Variants in DOP1B observed in about 807,000 individuals in gnomAD.
The protein encoded by DOP1B is DOP1 leucine zipper like protein B, also known as protein DOP1B.
DOP1B carries 174 observed loss-of-function variants against 233.5 expected under a neutral mutation model. The observed-to-expected ratio is 0.75, with a 90% confidence interval of 0.66 to 0.85. The LOEUF (loss-of-function observed/expected upper bound fraction) is 0.85, where lower values mean the gene tolerates loss of function less well. DOP1B is among the 40% of genes least tolerant of loss of function. The probability of loss-of-function intolerance (pLI) is 0.00; values close to 1 mark genes in which losing one functional copy is unlikely to be tolerated. For synonymous variants in DOP1B, 1,190 were observed against 1,185.6 expected (o/e 1.00, Z -0.08); for missense variants, 2,652 against 2,846.6 (o/e 0.93, Z 1.56).
chr21:36,235,118 A>G (rs1601434550), intron 15 of DOP1B, among the ~76,000 whole-genome samples: 1 of 152,156 alleles, frequency 6.6e-6, no homozygotes, highest in Non-Finnish European at 1.5e-5. Context: ...ACAGTTCTTG[A>G]GAGTTGAGGA....
At chr21:36,262,871 A>G (rs983500373) in intron 24 of DOP1B, among the ~76,000 whole-genome samples, 1 of 151,946 alleles carries the variant, frequency 6.6e-6, no homozygotes, top group African/African-American at 2.4e-5. Context: ...AGCCTGGGTG[A>G]CAGAGCAAGA....
chr21:36,208,730 C>T lies in DOP1B; in HGVS notation c.507C>T (p.Leu169=). 1 of 1,613,500 alleles carries T rather than the reference C, an allele frequency of 6.2e-7. No homozygotes were observed. The highest frequency in any genetic ancestry group is 1.1e-5 in the South Asian group (1 of 91,022). The change falls in exon 5 of 37, where the codon CTC becomes CTT. Residue 169 remains leucine, a synonymous_variant. Transcript: ENST00000691173. ...TCATCAACAGAACGGATGCTCTGCT[C>T]CTGAGACTGTCGCTGGTGGTTGGCA... The part of the protein sequence containing the change: ...SEISDRTDAL[L]LRLSLVVGKE...
intron 2 of DOP1B, among the ~76,000 whole-genome samples, chr21:36,192,231 C>T (rs1323578648): frequency 2.6e-5 from 4 of 151,940 alleles, no homozygotes; most frequent in East Asian, 2.0e-4. Flanking sequence ...TGGTGGTATA[C>T]GCCTGTAGTT....
At chr21:36,203,493 C>T (rs996871723) in intron 4 of DOP1B, among the ~76,000 whole-genome samples, 2 of 152,040 alleles carry the variant, frequency 1.3e-5, no homozygotes, top group Non-Finnish European at 2.9e-5. Flanking sequence ...ACTTGAACCT[C>T]GGAGGTGGAG....
chr21:36,232,755 T>C, intron 14 of DOP1B, 49 bp from the exon 15 acceptor site: 1 of 1,607,192 alleles, frequency 6.2e-7, no homozygotes, highest in Non-Finnish European at 8.5e-7. Flanking sequence ...GGGGACCCAT[T>C]CTCACGTGGT....
intron 26 of DOP1B, among the ~76,000 whole-genome samples, chr21:36,265,049 GTA>G: frequency 6.6e-6 from 1 of 152,282 alleles, no homozygotes. Flanking sequence ...TTTGTGAAAG[GTA>G]TATCCAGAAA....
chr21:36,157,253 C>T (rs900308483), intron 1 of DOP1B, among the ~76,000 whole-genome samples: 1 of 147,334 alleles, frequency 6.8e-6, no homozygotes, highest in Non-Finnish European at 1.5e-5. Context: ...ACGCCCTCGC[C>T]GAGCGGGGCG....
At chr21:36,272,713 G>A (rs375589087) in intron 27 of DOP1B, among the ~76,000 whole-genome samples, 84 of 141,750 alleles carry the variant, frequency 5.9e-4, no homozygotes, top group African/African-American at 1.8e-3. Context: ...GGCCGGGCGC[G>A]GTGGCTCACG....
intron 2 of DOP1B, among the ~76,000 whole-genome samples, chr21:36,173,743 A>G (rs1037404451): frequency 2.8e-4 from 43 of 152,222 alleles, no homozygotes; most frequent in African/African-American, 9.4e-4. Flanking sequence ...ATTTTCATCA[A>G]GTGCCCTTTT....
chr21:36,247,651 T>C (rs899113804), intron 20 of DOP1B, 23 bp downstream of exon 20: 11 of 1,507,192 alleles, frequency 7.3e-6, no homozygotes, highest in Non-Finnish European at 1.0e-5. Flanking sequence ...TTTTCCTGAG[T>C]TCAAGGCAAT....
At position 36,208,856 on chromosome 21, in the gene DOP1B, C is replaced by T; in HGVS notation, c.633C>T (p.Ala211=). The change falls in exon 5 of 37, where the codon GCC becomes GCT. Residue 211 remains alanine (A), a synonymous_variant. Transcript: ENST00000691173. ...TGGTGGGCCACATCAACAGGGATGCCCCCGGCCGGGAGCAGAAGTACATGC... is the reference window on the plus strand; with the variant it reads ...TGGTGGGCCACATCAACAGGGATGCTCCCGGCCGGGAGCAGAAGTACATGC... The part of the protein sequence containing the change: ...VFVVGHINRD[A]PGREQKYMLG... 1 of 1,575,350 alleles carries T rather than the reference C, an allele frequency of 6.3e-7. No individual in the cohort carries two copies. The highest frequency in any genetic ancestry group is 1.8e-4 in the Middle Eastern group (1 of 5,484).
chr21:36,245,734 A>G lies in DOP1B; in HGVS notation c.3754A>G (p.Lys1252Glu). 6.2e-7 allele frequency: 1 copy of G among 1,613,922 alleles called. No homozygotes were observed. Among genetic ancestry groups the G allele is most frequent in the East Asian group, 2.2e-5 (1 of 44,854 alleles). ...CTTCTCGGTGCTGGAGGCTGTGCTC[A>G]AAACCAACCCTAAGGAATTCATCGA... ...YAFSVLEAVL[K>E]TNPKEFIEAV... Residue 1252 changes from lysine (K) to glutamate (E), a missense_variant, in exon 19 of 37, where the codon AAA becomes GAA. This residue lies in a region of DOP1B where 2,617 missense variants were observed against 2,794.3 expected (regional missense o/e 0.94). Coordinates refer to ENST00000691173, the MANE Select transcript of DOP1B (RefSeq NM_001320714.2). This position sits in a 1 kb window ranked among gnomAD's most constrained non-coding sequence, Gnocchi z 5.5.
At chr21:36,219,682 G>A (rs911155317) in intron 10 of DOP1B, among the ~76,000 whole-genome samples, 190 bp downstream of exon 10, 13 of 152,228 alleles carry the variant, frequency 8.5e-5, no homozygotes, top group African/African-American at 1.9e-4. Context: ...TACTGAGTAC[G>A]GTGAAGAGTT....
chr21:36,267,804 T>A (rs568654607), intron 26 of DOP1B, among the ~76,000 whole-genome samples: 1 of 152,098 alleles, frequency 6.6e-6, no homozygotes, highest in Non-Finnish European at 1.5e-5. Flanking sequence ...CACGTATCAG[T>A]AGGACCGTGA....
At chr21:36,208,968 G>T in intron 5 of DOP1B, 64 bp downstream of exon 5, 1 of 1,422,404 alleles carries the variant, frequency 7.0e-7, no homozygotes, top group South Asian at 1.5e-5. Context: ...CATCCTCATG[G>T]GCAGGTTGTC....
rs2066697246 is a variant in DOP1B at position 36,227,173 on chromosome 21, A to T, written c.1474-513A>T. Reference sequence around the variant, plus strand: ...CAGTGAGCCGAGATCACACCACTGCACTCCAGCCTGGGTGACAGAGTGAGA... The same window carrying T: ...CAGTGAGCCGAGATCACACCACTGCTCTCCAGCCTGGGTGACAGAGTGAGA... On this transcript the variant is annotated intron_variant, in intron 12 of 36. Transcript: ENST00000691173. Among the ~76,000 whole-genome samples the T allele has an allele frequency of 2.0e-5, 3 of 151,210 alleles. No individual in the cohort carries two copies. The South Asian group carries it at 6.3e-4, about 32-fold the overall frequency.
intron 10 of DOP1B, among the ~76,000 whole-genome samples, chr21:36,222,454 C>T (rs1055684030): frequency 4.0e-5 from 6 of 151,310 alleles, no homozygotes; most frequent in African/African-American, 1.2e-4. Context: ...TGGTGGTGCA[C>T]GTCTGTAATC....
intron 10 of DOP1B, among the ~76,000 whole-genome samples, chr21:36,222,432 C>T (rs2066636415): frequency 1.3e-5 from 2 of 151,298 alleles, no homozygotes; most frequent in South Asian, 2.1e-4. Flanking sequence ...AAATACAAAA[C>T]TTAGCTGGGC....
intron 26 of DOP1B, among the ~76,000 whole-genome samples, chr21:36,264,894 G>A (rs1404214734): frequency 1.3e-5 from 2 of 152,150 alleles, no homozygotes; most frequent in Non-Finnish European, 2.9e-5. Context: ...AACTCAGAGT[G>A]GAATGCCAAC....
Sources: allele counts gnomAD v4.1 joint callset (sites outside exome capture counted in the v4.1 genomes callset), GRCh38; gene constraint gnomAD v4.1.1; regional missense constraint gnomAD v4.1.1; non-coding constraint Gnocchi (gnomAD v3.1); transcripts MANE v1.5; gene names NCBI Gene and HGNC (gene_info 2026-07-23, HGNC 2026-07-21).